ROBO1: variants seen among roughly 807,000 people sequenced by gnomAD.
The protein encoded by ROBO1 is roundabout homolog 1.
ROBO1 carries 149 observed loss-of-function variants against 195.9 expected under a neutral mutation model. The ratio of observed to expected loss-of-function variants is 0.76; its 90% CI spans 0.67 to 0.87. ROBO1 has a LOEUF of 0.87. Among genes scored for constraint, ROBO1 ranks in the 40% least tolerant of loss-of-function variants. The pLI, the probability that ROBO1 is intolerant of heterozygous loss-of-function variation, is 0.00. For synonymous variants in ROBO1, 816 were observed against 733.2 expected (o/e 1.11, Z -1.82); for missense variants, 1,933 against 2,068.3 (o/e 0.93, Z 1.27).
chr3:79,010,371 C>G (rs1240081614), intron 3 of ROBO1, among the ~76,000 whole-genome samples: 1 of 152,066 alleles, frequency 6.6e-6, no homozygotes, highest in African/African-American at 2.4e-5. Context: ...TTCATACTGA[C>G]AGACAGGGCT....
At chr3:79,255,036 GA>G (rs1040229440) in intron 2 of ROBO1, among the ~76,000 whole-genome samples, 1 of 152,100 alleles carries the variant, frequency 6.6e-6, no homozygotes, top group African/African-American at 2.4e-5. Context: ...AATAGAAGTT[GA>G]AAAAAGTCTT....
At chr3:78,711,210 A>G (rs987677506) in intron 8 of ROBO1, among the ~76,000 whole-genome samples, 6 of 152,042 alleles carry the variant, frequency 3.9e-5, no homozygotes, top group Non-Finnish European at 5.9e-5. Context: ...ACTCAGAATT[A>G]AAACCACCAG....
chr3:79,435,147 A>G (rs1004904441), intron 2 of ROBO1, among the ~76,000 whole-genome samples: 9 of 152,144 alleles, frequency 5.9e-5, no homozygotes, highest in Non-Finnish European at 1.2e-4. Flanking sequence ...CACCAACATG[A>G]CACATGTATA....
At chr3:79,163,250 C>T (rs2081005206) in intron 2 of ROBO1, among the ~76,000 whole-genome samples, 2 of 152,076 alleles carry the variant, frequency 1.3e-5, no homozygotes, top group Admixed American at 6.6e-5. Flanking sequence ...TTCTACCTAC[C>T]TATCTCATGT....
At position 79,223,267 on chromosome 3, in the gene ROBO1, A is replaced by G. The variant is rs549839722; in HGVS notation, c.89-97728T>C. ...AATGTTTACCTGAACCACAGAAAAA[A>G]TTATTTCTGAAACATCTGAATTATA... On this transcript the variant is annotated intron_variant, in intron 2 of 30. Transcript: ENST00000464233. Among the ~76,000 whole-genome samples the G allele has an allele frequency of 2.6e-5, 4 of 152,130 alleles. No homozygotes were observed. The South Asian group carries it at 6.2e-4, about 24-fold the overall frequency.
Position 78,634,048 on chromosome 3 carries a change from C to T in ROBO1, c.3374-6G>A. ...TGTGTCATTTGCTCGATAATCTAGA[C>T]ATATCAGATGAAAAAACAATAAACA... is the stretch of plus-strand genomic sequence containing the variant. On this transcript the variant is annotated splice_region_variant and splice_polypyrimidine_tract_variant and intron_variant, in intron 23 of 30. Coordinates refer to ENST00000464233, the MANE Select transcript of ROBO1 (RefSeq NM_002941.4). The T allele has an allele frequency of 6.4e-7, 1 of 1,561,396 alleles. No homozygotes were observed. The highest frequency in any genetic ancestry group is 2.3e-5 in the East Asian group (1 of 44,404).
intron 1 of ROBO1, among the ~76,000 whole-genome samples, chr3:79,695,628 C>G (rs1273399103): frequency 6.6e-6 from 1 of 151,124 alleles, no homozygotes; most frequent in Non-Finnish European, 1.5e-5. Flanking sequence ...CTCCAGTGAC[C>G]TAAAAATGGC....
intron 23 of ROBO1, among the ~76,000 whole-genome samples, chr3:78,635,095 C>T (rs1177839932): frequency 6.6e-6 from 1 of 152,088 alleles, no homozygotes; most frequent in East Asian, 1.9e-4. Context: ...TACAAAGAAA[C>T]CAAACACCTA....
chr3:79,318,261 C>T (rs1245642552), intron 2 of ROBO1, among the ~76,000 whole-genome samples: 3 of 152,176 alleles, frequency 2.0e-5, no homozygotes, highest in Non-Finnish European at 1.5e-5. Context: ...ATCTGGGCTC[C>T]CTATGGTTCA....
chr3:78,984,643 C>T (rs2077065478), intron 3 of ROBO1, among the ~76,000 whole-genome samples: 1 of 152,106 alleles, frequency 6.6e-6, no homozygotes, highest in Admixed American at 6.5e-5. Flanking sequence ...CCTCCTCTAC[C>T]CCAGAAAGGT....
chr3:79,645,570 A>G (rs1025976127), intron 1 of ROBO1, among the ~76,000 whole-genome samples: 1 of 152,106 alleles, frequency 6.6e-6, no homozygotes, highest in African/African-American at 2.4e-5. Context: ...TGCAGATCCA[A>G]TGCAACCCTA....
chr3:79,462,910 T>C (rs143680528), intron 2 of ROBO1, among the ~76,000 whole-genome samples: 1 of 152,354 alleles, frequency 6.6e-6, no homozygotes, highest in African/African-American at 2.4e-5. Flanking sequence ...TATACGTAGA[T>C]ACACTATTGC....
rs2040601903 is a variant in ROBO1, at chr3:78,948,777, C to A, written c.173-9850G>T. On this transcript the variant is annotated intron_variant, in intron 3 of 30. Coordinates refer to ENST00000464233, the MANE Select transcript of ROBO1 (RefSeq NM_002941.4). ...TATCTAGAAAACCCCATCGTCTCAGCCCAAAATCTCAAGCTGATAAGCAAC... is the reference window on the plus strand; with the variant it reads ...TATCTAGAAAACCCCATCGTCTCAGACCAAAATCTCAAGCTGATAAGCAAC... Among the ~76,000 whole-genome samples, 5 of 152,116 alleles carry A rather than the reference C, an allele frequency of 3.3e-5. No individual in the cohort carries two copies. In the South Asian group the frequency reaches 8.3e-4, roughly 25 times the overall value.
intron 1 of ROBO1, among the ~76,000 whole-genome samples, chr3:79,721,017 C>T (rs1393176831): frequency 2.6e-5 from 4 of 152,156 alleles, no homozygotes; most frequent in Admixed American, 1.3e-4. Context: ...TGGTCTCGAT[C>T]TCCTGACCTC....
At chr3:78,820,453 T>G (rs2030773838) in intron 4 of ROBO1, among the ~76,000 whole-genome samples, 1 of 152,190 alleles carries the variant, frequency 6.6e-6, no homozygotes, top group Non-Finnish European at 1.5e-5. Context: ...AAATTTGTAC[T>G]AATGTTAACG....
chr3:78,638,315 G>GTA (rs1335236957), intron 22 of ROBO1, among the ~76,000 whole-genome samples: 7 of 148,658 alleles, frequency 4.7e-5, no homozygotes, highest in South Asian at 4.2e-4. Context: ...ATATATGTGT[G>GTA]TATATATATA....
chr3:78,983,744 C>G (rs375249069), intron 3 of ROBO1, among the ~76,000 whole-genome samples: 5 of 152,186 alleles, frequency 3.3e-5, no homozygotes, highest in African/African-American at 1.2e-4. Flanking sequence ...GATGTGACCA[C>G]TGTCACCTAT....
chr3:79,276,719 C>A (rs1428714190), intron 2 of ROBO1, among the ~76,000 whole-genome samples: 1 of 151,850 alleles, frequency 6.6e-6, no homozygotes, highest in Non-Finnish European at 1.5e-5. Context: ...TGCAAACTAT[C>A]CATCTGACAA....
At chr3:78,804,999 A>T (rs2084491852) in intron 4 of ROBO1, among the ~76,000 whole-genome samples, 1 of 152,064 alleles carries the variant, frequency 6.6e-6, no homozygotes. Flanking sequence ...TTGTTCCTTT[A>T]TATGGCTTCC....
Sources: gnomAD v4.1 joint callset for allele counts (sites outside exome capture counted in the v4.1 genomes callset) on GRCh38, gnomAD v4.1.1 for gene constraint, MANE v1.5 for transcripts, NCBI Gene and HGNC (gene_info 2026-07-23, HGNC 2026-07-21) for gene names.